CLEC12B: variants seen among roughly 807,000 people sequenced by gnomAD.
CLEC12B encodes the protein macrophage antigen h.
Under a neutral mutation model 36.1 loss-of-function variants are expected in CLEC12B, and 25 were observed. The observed-to-expected ratio is 0.69, with a 90% confidence interval of 0.50 to 0.97. CLEC12B has a LOEUF of 0.97. Ranked by LOEUF, CLEC12B falls within the 50% of genes least tolerant of loss-of-function variation. The probability of loss-of-function intolerance (pLI) is 0.00; values close to 1 mark genes in which losing one functional copy is unlikely to be tolerated. For missense variants in CLEC12B, 325 were observed against 318.4 expected, an observed-to-expected ratio of 1.02 and a Z score of -0.16; for synonymous variants, 110 against 108.5, an observed-to-expected ratio of 1.01 and a Z score of -0.09.
intron 5 of CLEC12B, 72 bp from the exon 6 acceptor site, chr12:10,018,259 G>A (rs1865535930): frequency 1.1e-6 from 1 of 902,294 alleles, no homozygotes; most frequent in Non-Finnish European, 1.6e-6. Context: ...GGCTGTAAGA[G>A]CAACTGAGGG....
At chr12:10,015,915 C>T in intron 5 of CLEC12B, 188 bp downstream of exon 5, 1 of 1,393,464 alleles carries the variant, frequency 7.2e-7, no homozygotes. Flanking sequence ...TATAGCAAGG[C>T]ACTGAATTTT....
intron 5 of CLEC12B, 40 bp from the exon 6 acceptor site, chr12:10,018,291 C>T (rs1234057505): frequency 8.0e-7 from 1 of 1,252,576 alleles, no homozygotes; most frequent in Non-Finnish European, 1.1e-6. Flanking sequence ...GATCACGTTT[C>T]AAATACAGAA....
Position 10,018,008 on chromosome 12 carries a change from C to T in CLEC12B, c.681-323C>T, listed in dbSNP as rs1427160915. ...AGGTCCCAAAGAACTTCAAGTACTT[C>T]TAATATAAGCTGAACTGATTAGATT... On this transcript the variant is annotated intron_variant, in intron 5 of 5. Coordinates refer to ENST00000338896, the MANE Select transcript of CLEC12B (RefSeq NM_001129998.3). 1.3e-5 allele frequency: 12 copies of T among 899,636 alleles called. No individual in the cohort carries two copies. In the African/African-American group the frequency reaches 2.2e-4, roughly 16 times the overall value. The allele number at this position is 899,636 out of a possible 1,614,324, so 55.7% of individuals were successfully genotyped here.
intron 2 of CLEC12B, 33 bp from the exon 3 acceptor site, chr12:10,014,490 A>T: frequency 1.4e-6 from 2 of 1,425,148 alleles, no homozygotes; most frequent in South Asian, 2.3e-5. Flanking sequence ...GAATAGAAGA[A>T]TATATGAACT....
chr12:10,007,098 A>G (rs1865239049), upstream of CLEC12B, among the ~76,000 whole-genome samples: 1 of 151,996 alleles, frequency 6.6e-6, no homozygotes, highest in South Asian at 2.1e-4. Flanking sequence ...GAAAAAAAAG[A>G]AATAGTGAAG....
At chr12:10,008,759 T>C (rs191364040), upstream of CLEC12B, among the ~76,000 whole-genome samples, 43 of 152,344 alleles carry the variant, frequency 2.8e-4, no homozygotes, top group East Asian at 7.1e-3. Flanking sequence ...GGTGACATTC[T>C]TCATCATTGT....
chr12:10,009,593 A>G (rs1182482720), upstream of CLEC12B, among the ~76,000 whole-genome samples: 1 of 151,438 alleles, frequency 6.6e-6, no homozygotes, highest in East Asian at 1.9e-4. Context: ...ATGAACAAGT[A>G]ACATATGTAT....
chr12:10,016,380 A>C (rs1295453507), intron 5 of CLEC12B: 1 of 152,938 alleles, frequency 6.5e-6, no homozygotes, highest in African/African-American at 2.4e-5. Flanking sequence ...TTTAAAGGAC[A>C]AATAGAATAT....
chr12:10,010,405 T>C (rs1237025275), upstream of CLEC12B, among the ~76,000 whole-genome samples: 6 of 152,236 alleles, frequency 3.9e-5, no homozygotes, highest in Non-Finnish European at 7.3e-5. Context: ...GACTCTTTTC[T>C]GAAACATTCA....
At chr12:10,007,874 G>T (rs1865249534), upstream of CLEC12B, among the ~76,000 whole-genome samples, 1 of 152,172 alleles carries the variant, frequency 6.6e-6, no homozygotes. Context: ...CTGGTAAGTG[G>T]TGCATGCTGG....
At chr12:10,008,421 T>C (rs528545782), upstream of CLEC12B, among the ~76,000 whole-genome samples, 1 of 152,216 alleles carries the variant, frequency 6.6e-6, no homozygotes, top group South Asian at 2.1e-4. Flanking sequence ...GCCCATAGTA[T>C]TGGAATTATC....
At position 10,018,329 on chromosome 12, in the gene CLEC12B, A is replaced by G. The variant is rs1406578817; in HGVS notation, c.681-2A>G. 2.8e-6 allele frequency: 4 copies of G among 1,411,688 alleles called. No homozygotes were observed. The highest frequency in any genetic ancestry group is 3.8e-6 in the Non-Finnish European group (4 of 1,049,298). 87.4% of individuals were successfully genotyped at this position (1,411,688 alleles called of 1,614,324 possible). The stretch of plus-strand genomic sequence containing the variant: ...TATAATTAATTTTAAATTAATTTTC[A>G]GATTTAGTACTAAAGAACTTGACCA... On this transcript the variant is annotated splice_acceptor_variant, in intron 5 of 5. Coordinates refer to ENST00000338896, the MANE Select transcript of CLEC12B (RefSeq NM_001129998.3). LOFTEE classifies it high-confidence loss of function.
intron 2 of CLEC12B, 181 bp downstream of exon 2, chr12:10,013,064 T>A (rs1865374233): frequency 3.2e-6 from 2 of 616,020 alleles, no homozygotes; most frequent in South Asian, 3.7e-5. Context: ...ATTATCAGGA[T>A]TTGGTTCTAA....
At chr12:10,011,684 G>C (rs576511214) in intron 1 of CLEC12B, among the ~76,000 whole-genome samples, 41 of 152,112 alleles carry the variant, frequency 2.7e-4, no homozygotes, top group Non-Finnish European at 5.7e-4. Flanking sequence ...TAACTATCCA[G>C]GTTCTCCTGA....
chr12:10,015,495 TC>T, intron 4 of CLEC12B, 89 bp downstream of exon 4: 1 of 1,560,120 alleles, frequency 6.4e-7, no homozygotes. Flanking sequence ...TGATGGAAAT[TC>T]AGTGCATCTT....
chr12:10,015,635 A>G lies in CLEC12B; in HGVS notation c.588A>G (p.Leu196=). The change falls in exon 5 of 6, where the codon TTA becomes TTG. Residue 196 remains leucine, a synonymous_variant. Coordinates refer to ENST00000338896, the MANE Select transcript of CLEC12B (RefSeq NM_001129998.3). The part of the protein sequence containing the change: ...EEKDFLMSQP[L]LMFSFFWLGL... ...AGGATTTTCTTATGTCACAGCCATT[A>G]CTCATGTTTTCGTTCTTTTGGCTGG... The G allele has an allele frequency of 6.2e-7, 1 of 1,613,514 alleles. No homozygotes were observed. The highest frequency in any genetic ancestry group is 8.5e-7 in the Non-Finnish European group (1 of 1,179,656).
chr12:10,018,372 G>T lies in CLEC12B; in HGVS notation c.722G>T (p.Gly241Val), dbSNP rs1286747880. The change falls in exon 6 of 6, where the codon GGA (glycine) becomes GTA (valine). Residue 241 changes from glycine to valine, a missense_variant. By Grantham distance (109) the Gly-to-Val change is moderately radical (BLOSUM62 -3). Transcript: ENST00000338896. ...KELDQINGSK[G>V]CAYFQKGNIY... ...CTTGACCAGATCAATGGATCCAAAG[G>T]ATGTGCTTATTTTCAAAAAGGAAAT... 6.5e-6 allele frequency: 10 copies of T among 1,533,234 alleles called. No homozygotes were observed. The East Asian group carries it at 2.2e-4, about 34-fold the overall frequency. The allele number at this position is 1,533,234 out of a possible 1,614,324, so 95.0% of individuals were successfully genotyped here. A position where few individuals can be genotyped will look rare whatever the true frequency, so the allele number is the denominator to read the frequency against.
In CLEC12B at chr12:10,015,801, A is replaced by G; in HGVS notation, c.680+74A>G. The G allele has an allele frequency of 1.3e-6, 2 of 1,599,878 alleles. 1 individual carries two copies. Among genetic ancestry groups the G allele is most frequent in the Admixed American group, 3.5e-5 (2 of 57,242 alleles). The stretch of plus-strand genomic sequence containing the variant: ...GGGAAAATTAATAATGATTGTGAGA[A>G]TTATAAATACAGACATAAAAAGAGG... On this transcript the variant is annotated intron_variant, in intron 5 of 5. Coordinates refer to ENST00000338896, the MANE Select transcript of CLEC12B (RefSeq NM_001129998.3).
At position 10,015,385 on chromosome 12, in the gene CLEC12B, G is replaced by A; in HGVS notation, c.543G>A (p.Lys181=). The change falls in exon 4 of 6, where the codon AAG becomes AAA. Residue 181 remains lysine, a synonymous_variant. Transcript: ENST00000338896. ...DCIDKNSTLV[K]IDSLEEKDFL... ...TAGACAAGAACTCCACCCTAGTGAA[G>A]ATAGACAGTTTGGAAGAAAAGGTAG... The A allele has an allele frequency of 6.2e-7, 1 of 1,612,564 alleles. No individual in the cohort carries two copies. Among genetic ancestry groups the A allele is most frequent in the Non-Finnish European group, 8.5e-7 (1 of 1,179,376 alleles).
Sources: gnomAD v4.1 joint callset for allele counts (sites outside exome capture counted in the v4.1 genomes callset) on GRCh38, gnomAD v4.1.1 for gene constraint, MANE v1.5 for transcripts, NCBI Gene and HGNC (gene_info 2026-07-23, HGNC 2026-07-21) for gene names.